LIFR: variants seen among roughly 807,000 people sequenced by gnomAD.
The protein encoded by LIFR is leukemia inhibitory factor receptor.
LIFR carries 84 observed loss-of-function variants against 122.2 expected under a neutral mutation model. The observed-to-expected ratio is 0.69, with a 90% CI of 0.58 to 0.82. The LOEUF is 0.82. Among genes scored for constraint, LIFR ranks in the 40% least tolerant of loss-of-function variants. The pLI is 0.00. For missense variants in LIFR, 1,294 were observed against 1,311.6 expected (o/e 0.99, Z 0.21); for synonymous variants, 422 against 434.7 (o/e 0.97, Z 0.36).
intron 2 of LIFR, among the ~76,000 whole-genome samples, chr5:38,529,829 T>C (rs1746905872): frequency 6.6e-6 from 1 of 152,136 alleles, no homozygotes; most frequent in African/African-American, 2.4e-5. Context: ...AAAACAAATA[T>C]TACATTAAAA....
At chr5:38,604,691 ACT>A (rs1295260721) in intron 2 of LIFR, among the ~76,000 whole-genome samples, 2 of 148,066 alleles carry the variant, frequency 1.4e-5, no homozygotes, top group African/African-American at 5.1e-5. Context: ...ACAGGGCAAG[ACT>A]CTGTCTCAAA....
rs2112430998 is a variant in LIFR at position 38,496,559 on chromosome 5, A to T, written c.1708T>A (p.Ser570Thr). ...TCTGATGAACACGATACATTGTAGG[A>T]AAGTATTTTTCCATTAGCTTCATTA... ...PINEANGKIL[S>T]YNVSCSSDEE... The change falls in exon 13 of 20, where the codon TCC becomes ACC. Residue 570 changes from serine to threonine, a missense_variant. Physicochemically the swap from Ser to Thr is moderately conservative, Grantham distance 58. Transcript: ENST00000453190. The T allele has an allele frequency of 6.2e-7, 1 of 1,613,898 alleles. No individual in the cohort carries two copies. The highest frequency in any genetic ancestry group is 8.5e-7 in the Non-Finnish European group (1 of 1,179,724).
chr5:38,490,082 T>C, intron 15 of LIFR, 108 bp downstream of exon 15: 1 of 479,894 alleles, frequency 2.1e-6, no homozygotes, highest in South Asian at 4.1e-5. Context: ...TATTTTACCT[T>C]CCTTCAATTA....
chr5:38,600,613 C>T lies in LIFR; in HGVS notation n.306-5230G>A, dbSNP rs150788036. Among the ~76,000 whole-genome samples the T allele has an allele frequency of 7.6e-3, 1,156 of 152,328 alleles. 10 individuals carry two copies. Among genetic ancestry groups the T allele is most frequent in the Admixed American group, 0.014 (210 of 15,298 alleles). On this transcript the variant is annotated intron_variant and non_coding_transcript_variant, in intron 2 of 3. Coordinates refer to the LIFR transcript ENST00000507786. ...GTTGCCATCCCTGTCTTTCATATCA[C>T]TGTGTTCTCTTGGTTCTTTCTCAGA...
intron 1 of LIFR, among the ~76,000 whole-genome samples, chr5:38,543,487 G>A (rs1053419608): frequency 2.0e-5 from 3 of 152,146 alleles, no homozygotes; most frequent in Non-Finnish European, 4.4e-5. Context: ...ATAACAGTAA[G>A]AATGATGAAG....
At chr5:38,561,406 T>C (rs535737468), upstream of LIFR, among the ~76,000 whole-genome samples, 1 of 152,350 alleles carries the variant, frequency 6.6e-6, no homozygotes, top group Admixed American at 6.5e-5. Flanking sequence ...GTTTTCCTAG[T>C]TTCCTTCTCT....
At position 38,517,960 on chromosome 5, in the gene LIFR, C is replaced by A. The variant is rs1448993315; in HGVS notation, c.561+5459G>T. Among the ~76,000 whole-genome samples, 283 of 89,948 alleles carry A rather than the reference C, an allele frequency of 3.1e-3. 1 individual carries two copies. The highest frequency in any genetic ancestry group is 8.5e-3 in the African/African-American group (194 of 22,936). 59.0% of individuals were successfully genotyped at this position (89,948 alleles called of 152,430 possible). On this transcript the variant is annotated intron_variant, in intron 5 of 19. Coordinates refer to ENST00000453190, the MANE Select transcript of LIFR (RefSeq NM_001127671.2). ...TCTCTATGAAAAAAAAAAAAACAAA[C>A]AAAAAAAAACAGCTGGGCACAGCAG... is the stretch of plus-strand genomic sequence containing the variant.
chr5:38,499,315 C>A (rs1293255430), intron 12 of LIFR, among the ~76,000 whole-genome samples, 198 bp downstream of exon 12: 2 of 152,148 alleles, frequency 1.3e-5, no homozygotes, highest in Non-Finnish European at 2.9e-5. Flanking sequence ...AGATCTGACA[C>A]AGGAGATCCT....
At chr5:38,552,837 G>A (rs1177205057) in intron 1 of LIFR, among the ~76,000 whole-genome samples, 2 of 152,168 alleles carry the variant, frequency 1.3e-5, no homozygotes, top group South Asian at 2.1e-4. Context: ...ACCAAAAGCA[G>A]GTAAGATTAT....
chr5:38,491,567 G>A (rs1356229026), intron 14 of LIFR, among the ~76,000 whole-genome samples: 3 of 152,332 alleles, frequency 2.0e-5, no homozygotes, highest in Non-Finnish European at 2.9e-5. Flanking sequence ...ATATGGCATT[G>A]CATTTAATTT....
At chr5:38,503,187 A>T (rs562116507) in intron 10 of LIFR, among the ~76,000 whole-genome samples, 36 of 152,190 alleles carry the variant, frequency 2.4e-4, no homozygotes, top group Non-Finnish European at 2.4e-4. Context: ...ACTGTGAGGA[A>T]TAAATGTATT....
Position 38,496,498 on chromosome 5 carries a change from G to A in LIFR, c.1769C>T (p.Pro590Leu). 6.2e-7 allele frequency: 1 copy of A among 1,613,824 alleles called. No individual in the cohort carries two copies. The highest frequency in any genetic ancestry group is 8.5e-7 in the Non-Finnish European group (1 of 1,179,680). ...AAGTCGTATCTCTGCTTTGTGCTGA[G>A]GATCAGGGATTTCAGAAAGGGACTG... ...ETQSLSEIPD[P>L]QHKAEIRLDK... is the part of the protein sequence containing the mutation. The change falls in exon 13 of 20, where the codon CCT becomes CTT. Residue 590 changes from proline (P) to leucine (L), a missense_variant. Transcript: ENST00000453190.
At chr5:38,569,042 C>A (rs1359934243) in intron 1 of LIFR, among the ~76,000 whole-genome samples, 1 of 152,154 alleles carries the variant, frequency 6.6e-6, no homozygotes, top group Non-Finnish European at 1.5e-5. Context: ...TGGCCGAAGG[C>A]CCTCTTTTGG....
At chr5:38,586,177 G>A (rs954190111) in intron 1 of LIFR, among the ~76,000 whole-genome samples, 1 of 152,034 alleles carries the variant, frequency 6.6e-6, no homozygotes, top group African/African-American at 2.4e-5. Flanking sequence ...TCACCCGGGT[G>A]TCAATGAAAA....
In LIFR at chr5:38,496,775, G is replaced by A. The variant is rs2561827; in HGVS notation, c.1672-180C>T. ...GTGGATCACTTGAAGTCAGGAGTTC[G>A]AGACCAGCCTGGCCAACATGGTGAA... On this transcript the variant is annotated intron_variant, in intron 12 of 19. Transcript: ENST00000453190. Among the ~76,000 whole-genome samples the A allele has an allele frequency of 0.037, 5,609 of 152,086 alleles. 356 individuals are homozygous for A. Among genetic ancestry groups the A allele is most frequent in the African/African-American group, 0.13 (5,278 of 41,464 alleles).
upstream of LIFR, chr5:38,558,849 C>T (rs1284219852): frequency 1.3e-5 from 2 of 152,184 alleles, no homozygotes; most frequent in African/African-American, 4.8e-5. Flanking sequence ...TCATTTCTCT[C>T]CCTAACAAGT....
At chr5:38,586,098 G>A (rs1749738595) in intron 1 of LIFR, among the ~76,000 whole-genome samples, 1 of 152,058 alleles carries the variant, frequency 6.6e-6, no homozygotes, top group African/African-American at 2.4e-5. Context: ...TTTGCCTGGG[G>A]TTCTGGTAAA....
At chr5:38,530,893 T>G in intron 1 of LIFR, 1 of 489,244 alleles carries the variant, frequency 2.0e-6, no homozygotes, top group Admixed American at 3.6e-5. Flanking sequence ...AATGATGGGC[T>G]TCAAGTTAAA....
intron 1 of LIFR, among the ~76,000 whole-genome samples, chr5:38,583,459 C>T (rs969058798): frequency 9.2e-5 from 14 of 152,034 alleles, no homozygotes; most frequent in African/African-American, 2.7e-4. Flanking sequence ...AATGAGACTA[C>T]AACAAACTAT....
Sources: gnomAD v4.1 joint callset for allele counts (sites outside exome capture counted in the v4.1 genomes callset) on GRCh38, gnomAD v4.1.1 for gene constraint, MANE v1.5 for transcripts, NCBI Gene and HGNC (gene_info 2026-07-23, HGNC 2026-07-21) for gene names.